Variants in KANSL1L observed in about 807,000 individuals in gnomAD.
The protein encoded by KANSL1L is KAT8 regulatory NSL complex subunit 1-like protein.
A neutral mutation model predicts 108.6 loss-of-function variants in KANSL1L; 25 were observed. The ratio of observed to expected loss-of-function variants is 0.23; its 90% CI spans 0.17 to 0.32. KANSL1L has a LOEUF of 0.32. Among genes scored for constraint, KANSL1L ranks in the 10% least tolerant of loss-of-function variants. The probability of loss-of-function intolerance (pLI) is 1.00; values close to 1 mark genes in which losing one functional copy is unlikely to be tolerated. For synonymous variants in KANSL1L, 405 were observed against 395.1 expected (o/e 1.03, Z -0.30); for missense variants, 1,137 against 1,125.7 (o/e 1.01, Z -0.14).
Position 210,075,821 on chromosome 2 carries a change from G to T in KANSL1L, c.1551-65C>A. The T allele has an allele frequency of 6.5e-6, 8 of 1,236,050 alleles. 1 individual carries two copies. The South Asian group carries it at 1.1e-4, about 17-fold the overall frequency. The allele number at this position is 1,236,050 out of a possible 1,614,324, so 76.6% of individuals were successfully genotyped here. ...AAAACAAAACAAAACAAACAAAAAA[G>T]ACAAAGAAAACTAAATGTAAATTGC... On this transcript the variant is annotated intron_variant, in intron 5 of 14. Coordinates refer to ENST00000281772, the MANE Select transcript of KANSL1L (RefSeq NM_152519.4).
intron 6 of KANSL1L, among the ~76,000 whole-genome samples, chr2:210,045,163 G>A (rs1482050540): frequency 6.6e-6 from 1 of 152,174 alleles, no homozygotes; most frequent in African/African-American, 2.4e-5. Flanking sequence ...TCTTCAAGGA[G>A]CCAGTAACTG....
At chr2:210,072,468 C>CT (rs1425199312) in intron 6 of KANSL1L, among the ~76,000 whole-genome samples, 2 of 152,202 alleles carry the variant, frequency 1.3e-5, no homozygotes, top group Non-Finnish European at 2.9e-5. Flanking sequence ...CAGTCCCCAA[C>CT]TTTTTTGGCA....
intron 5 of KANSL1L, among the ~76,000 whole-genome samples, chr2:210,085,006 G>A (rs186725613): frequency 3.3e-5 from 5 of 152,052 alleles, no homozygotes; most frequent in African/African-American, 1.2e-4. Context: ...TGTAATTTAT[G>A]GACTTCGGAT....
intron 2 of KANSL1L, among the ~76,000 whole-genome samples, chr2:210,130,763 T>C (rs1434699147): frequency 6.6e-6 from 1 of 152,054 alleles, no homozygotes; most frequent in Non-Finnish European, 1.5e-5. Flanking sequence ...GCAAGCATGC[T>C]AGCGCGTAGC....
chr2:210,038,537 A>G (rs1444417940), intron 8 of KANSL1L, among the ~76,000 whole-genome samples: 1 of 152,054 alleles, frequency 6.6e-6, no homozygotes, highest in African/African-American at 2.4e-5. Flanking sequence ...CTATAAGCTC[A>G]GTTAATATTA....
Position 210,044,296 on chromosome 2 carries a change from TTAAC to T in KANSL1L, c.1756-196_1756-193del, listed in dbSNP as rs1575406661. 6.6e-6 allele frequency among the ~76,000 whole-genome samples: 1 copy of T among 152,198 alleles called. No individual in the cohort carries two copies. Among genetic ancestry groups the T allele is most frequent in the Non-Finnish European group, 1.5e-5 (1 of 68,032 alleles). ...TCATAAAAGGGATGTAAAAATATAA[TTAAC>T]TTTTATATATTGAATATTCTACAAC... is the stretch of plus-strand genomic sequence containing the variant. On this transcript the variant is annotated intron_variant, in intron 6 of 14. Transcript: ENST00000281772. The surrounding 1 kb of genome is among the most constrained non-coding windows in gnomAD (Gnocchi z 4.2).
chr2:210,157,891 C>A (rs1231599680), intron 1 of KANSL1L, among the ~76,000 whole-genome samples: 2 of 119,736 alleles, frequency 1.7e-5, no homozygotes, highest in South Asian at 3.0e-4. Flanking sequence ...AGTGACAGAG[C>A]AAGACCCTGT....
At chr2:210,152,530 T>A (rs2095310268) in intron 2 of KANSL1L, 1 of 152,232 alleles carries the variant, frequency 6.6e-6, no homozygotes, top group African/African-American at 2.4e-5. Flanking sequence ...AATATCGAGA[T>A]ACCTCTCTCT....
intron 2 of KANSL1L, among the ~76,000 whole-genome samples, chr2:210,137,468 C>A (rs953163300): frequency 9.2e-5 from 14 of 152,224 alleles, no homozygotes; most frequent in African/African-American, 3.4e-4. Context: ...ACATCATTCC[C>A]CTAAATGCCA....
At chr2:210,161,993 G>C (rs925523253) in intron 1 of KANSL1L, among the ~76,000 whole-genome samples, 1 of 150,890 alleles carries the variant, frequency 6.6e-6, no homozygotes, top group Non-Finnish European at 1.5e-5. Flanking sequence ...GGGAGGCCAA[G>C]GCGGGAGGAT....
chr2:210,067,007 C>T (rs1166804901), intron 6 of KANSL1L, among the ~76,000 whole-genome samples: 2 of 152,126 alleles, frequency 1.3e-5, no homozygotes, highest in African/African-American at 4.8e-5. Context: ...CTGATGATAG[C>T]ACGAATAAAA....
chr2:210,097,360 T>G (rs2094747087), intron 5 of KANSL1L: 1 of 798,582 alleles, frequency 1.3e-6, no homozygotes, highest in South Asian at 5.7e-5. Flanking sequence ...TTCCCAAAAT[T>G]ACACTTAGTT....
chr2:210,120,015 A>G (rs528968375), intron 3 of KANSL1L, among the ~76,000 whole-genome samples: 85 of 152,206 alleles, frequency 5.6e-4, no homozygotes, highest in Non-Finnish European at 7.9e-4. Flanking sequence ...GGGAACCCAG[A>G]AATGAGACCA....
intron 6 of KANSL1L, among the ~76,000 whole-genome samples, chr2:210,061,856 T>C (rs1017934098): frequency 9.2e-5 from 14 of 152,296 alleles, no homozygotes; most frequent in Admixed American, 9.2e-4. Flanking sequence ...CATAAAAGAT[T>C]CAAATCAGAT....
chr2:210,141,994 C>CTTTTTTT (rs1052791722), intron 2 of KANSL1L, among the ~76,000 whole-genome samples: 1 of 139,582 alleles, frequency 7.2e-6, no homozygotes. Flanking sequence ...GGCCTATAAT[C>CTTTTTTT]TTTTTTTTTT....
chr2:210,054,037 C>T (rs756978396), intron 6 of KANSL1L, among the ~76,000 whole-genome samples: 24 of 152,184 alleles, frequency 1.6e-4, no homozygotes, highest in South Asian at 6.2e-4. Flanking sequence ...AACTAGACGG[C>T]CGGGCATGGT....
intron 3 of KANSL1L, among the ~76,000 whole-genome samples, chr2:210,127,300 G>A (rs528089456): frequency 7.9e-5 from 12 of 152,074 alleles, no homozygotes; most frequent in Non-Finnish European, 1.3e-4. Context: ...AACACAAAAC[G>A]GATCAAAGCT....
chr2:210,139,586 A>G (rs1252149216), intron 2 of KANSL1L, among the ~76,000 whole-genome samples: 1 of 152,140 alleles, frequency 6.6e-6, no homozygotes, highest in African/African-American at 2.4e-5. Context: ...TTCTTGTAAT[A>G]GCCATTTTAA....
chr2:210,171,295 GGCCGCC>G lies in KANSL1L; in HGVS notation c.-182_-177del, dbSNP rs66917529. ...CCAGAGCGCGCCCCGCTCCCGCCCC[GGCCGCC>G]GCCGCCGCCGCCGCCGCCGCCGCCG... is the stretch of plus-strand genomic sequence containing the variant. On this transcript the variant is annotated 5_prime_UTR_variant, in exon 1 of 15. Coordinates refer to ENST00000281772, the MANE Select transcript of KANSL1L (RefSeq NM_152519.4). 810 of 174,750 alleles carry G rather than the reference GGCCGCC, an allele frequency of 4.6e-3. 7 individuals are homozygous for G. The highest frequency in any genetic ancestry group is 0.015 in the African/African-American group (603 of 41,050). 10.8% of individuals were successfully genotyped at this position (174,750 alleles called of 1,614,324 possible). A position where few individuals can be genotyped will look rare whatever the true frequency, so the allele number is the denominator to read the frequency against.
Sources: gnomAD v4.1 joint callset for allele counts (sites outside exome capture counted in the v4.1 genomes callset) on GRCh38, gnomAD v4.1.1 for gene constraint, Gnocchi (gnomAD v3.1) non-coding constraint, MANE v1.5 for transcripts, NCBI Gene and HGNC (gene_info 2026-07-23, HGNC 2026-07-21) for gene names.